The following GTF2IRD1 variants were observed in gnomAD, a reference collection of about 807,000 sequenced individuals.
The protein encoded by GTF2IRD1 is GTF2I repeat domain containing 1, also known as general transcription factor II-I repeat domain-containing protein 1.
A neutral mutation model predicts 113.2 loss-of-function variants in GTF2IRD1; 26 were observed. The observed-to-expected ratio is 0.23, with a 90% CI of 0.17 to 0.32. GTF2IRD1 has a LOEUF of 0.32. Among genes scored for constraint, GTF2IRD1 ranks in the 10% least tolerant of loss-of-function variants. The pLI is 1.00. For synonymous variants in GTF2IRD1, 484 were observed against 529.1 expected, an observed-to-expected ratio of 0.91 and a Z score of 1.17; for missense variants, 864 against 1,280.8, an observed-to-expected ratio of 0.67 and a Z score of 4.97.
At chr7:74,595,450 G>A (rs1381194601) in intron 25 of GTF2IRD1, among the ~76,000 whole-genome samples, 8 of 151,296 alleles carry the variant, frequency 5.3e-5, no homozygotes, top group African/African-American at 1.5e-4. Flanking sequence ...GAGACACCAG[G>A]AGTTGGAGGC....
intron 6 of GTF2IRD1, among the ~76,000 whole-genome samples, chr7:74,520,199 C>T (rs992523836): frequency 4.0e-5 from 6 of 149,898 alleles, no homozygotes; most frequent in Non-Finnish European, 5.9e-5. Flanking sequence ...TAGTCATCCT[C>T]ATGCATTCCA....
chr7:74,564,353 C>G (rs1800164081), intron 22 of GTF2IRD1, among the ~76,000 whole-genome samples: 1 of 152,116 alleles, frequency 6.6e-6, no homozygotes, highest in African/African-American at 2.4e-5. Context: ...GAAGATGAAT[C>G]AGTCATTAAA....
At chr7:74,513,099 A>G in intron 3 of GTF2IRD1, 128 bp downstream of exon 3, 1 of 847,016 alleles carries the variant, frequency 1.2e-6, no homozygotes, top group Non-Finnish European at 1.8e-6. Flanking sequence ...CTAACAAGCT[A>G]GGTTGTCTGA....
intron 1 of GTF2IRD1, among the ~76,000 whole-genome samples, chr7:74,457,962 T>C (rs1304545997): frequency 7.0e-6 from 1 of 142,988 alleles, no homozygotes; most frequent in Admixed American, 7.5e-5. Context: ...CACTGCAACC[T>C]CTGCCTCCTG....
intron 1 of GTF2IRD1, among the ~76,000 whole-genome samples, chr7:74,480,803 G>A (rs2117109208): frequency 6.6e-6 from 1 of 152,326 alleles, no homozygotes; most frequent in African/African-American, 2.4e-5. Flanking sequence ...AGAAACCTGA[G>A]TTTGGGGGCT....
At chr7:74,576,381 T>C (rs1459717043) in intron 22 of GTF2IRD1, among the ~76,000 whole-genome samples, 5 of 150,936 alleles carry the variant, frequency 3.3e-5, no homozygotes, top group Non-Finnish European at 5.9e-5. Flanking sequence ...GCCAACGTGG[T>C]AAAACCCCAT....
chr7:74,522,379 C>T (rs1797347986), intron 7 of GTF2IRD1, among the ~76,000 whole-genome samples: 1 of 152,108 alleles, frequency 6.6e-6, no homozygotes, highest in Non-Finnish European at 1.5e-5. Context: ...GCCTCAGCCT[C>T]ACCTCCAGGA....
intron 1 of GTF2IRD1, among the ~76,000 whole-genome samples, chr7:74,491,923 A>T (rs781972577): frequency 6.6e-6 from 1 of 152,186 alleles, no homozygotes; most frequent in Non-Finnish European, 1.5e-5. Context: ...ACAATGGCTG[A>T]ACTAATTTAC....
chr7:74,544,740 T>G lies in GTF2IRD1; in HGVS notation c.1619-15T>G, dbSNP rs587622787. The G allele has an allele frequency of 9.3e-6, 15 of 1,613,250 alleles. No homozygotes were observed. In the South Asian group the frequency reaches 1.6e-4, roughly 18 times the overall value. On this transcript the variant is annotated splice_polypyrimidine_tract_variant and intron_variant, in intron 14 of 26. Coordinates refer to ENST00000424337, the MANE Select transcript of GTF2IRD1 (RefSeq NM_005685.4). ...TGATGAATGTGGCTTCCCGGCATCC[T>G]CTGTTCTCTTTTAGACAAAGGTCTG...
chr7:74,541,941 T>C (rs1175521790), intron 14 of GTF2IRD1, among the ~76,000 whole-genome samples: 10 of 143,940 alleles, frequency 6.9e-5, no homozygotes, highest in Non-Finnish European at 1.5e-4. Context: ...GATAGATAGA[T>C]AAAAATTAGA....
chr7:74,519,804 A>G, intron 6 of GTF2IRD1, 85 bp downstream of exon 6: 2 of 954,028 alleles, frequency 2.1e-6, no homozygotes, highest in Middle Eastern at 2.3e-4. Context: ...GCAGGTCAGG[A>G]TGCCTGGGCC....
In GTF2IRD1 at chr7:74,557,708, T is replaced by G; in HGVS notation, c.2093T>G (p.Phe698Cys). Reference sequence around the variant, plus strand: ...CTAAGGGAGCAGGTCCAGGACCTTTTCAATAAGAAATACGGTAAGCAGTGC... The same window carrying G: ...CTAAGGGAGCAGGTCCAGGACCTTTGCAATAAGAAATACGGTAAGCAGTGC... ...NTLREQVQDL[F>C]NKKYGEALGI... Residue 698 changes from phenylalanine to cysteine, a missense_variant, in exon 20 of 27, where the codon TTC becomes TGC. This residue lies in a region of GTF2IRD1 where 195 missense variants were observed against 359.1 expected (regional missense o/e 0.54). Transcript: ENST00000424337. 6.2e-7 allele frequency: 1 copy of G among 1,608,186 alleles called. No individual in the cohort carries two copies. Among genetic ancestry groups the G allele is most frequent in the South Asian group, 1.1e-5 (1 of 90,944 alleles).
chr7:74,528,692 G>GGGAGGGAA (rs1797742171), intron 8 of GTF2IRD1, among the ~76,000 whole-genome samples: 1 of 150,682 alleles, frequency 6.6e-6, no homozygotes, highest in Non-Finnish European at 1.5e-5. Context: ...GAGGGAGGGA[G>GGGAGGGAA]GGAAGGAAAG....
At position 74,470,913 on chromosome 7, in the gene GTF2IRD1, C is replaced by G. The variant is rs797025322; in HGVS notation, c.-7+16737C>G. ...CCGCCTCCCTGGTTCAAGCAATTCT[C>G]CTGCTTCAGCCTCCCAAGTAGCTGG... On this transcript the variant is annotated intron_variant, in intron 1 of 26. Coordinates refer to ENST00000424337, the MANE Select transcript of GTF2IRD1 (RefSeq NM_005685.4). Among the ~76,000 whole-genome samples the G allele has an allele frequency of 2.0e-5, 3 of 152,306 alleles. No homozygotes were observed. In the South Asian group the frequency reaches 6.2e-4, roughly 32 times the overall value.
chr7:74,503,536 G>T (rs1321248416), intron 1 of GTF2IRD1, among the ~76,000 whole-genome samples: 1 of 152,136 alleles, frequency 6.6e-6, no homozygotes, highest in African/African-American at 2.4e-5. Context: ...ATCACTTGAG[G>T]TCAGGAGTTC....
chr7:74,456,590 G>A (rs1177213159), intron 1 of GTF2IRD1, among the ~76,000 whole-genome samples: 4 of 152,030 alleles, frequency 2.6e-5, no homozygotes, highest in Admixed American at 6.5e-5. Flanking sequence ...GGCTGAGGCA[G>A]GAGAATCGCT....
At position 74,523,964 on chromosome 7, in the gene GTF2IRD1, G is replaced by A; in HGVS notation, c.1007-107G>A. The A allele has an allele frequency of 1.5e-5, 11 of 739,590 alleles. No homozygotes were observed. The South Asian group carries it at 1.5e-4, about 10-fold the overall frequency. 45.8% of individuals were successfully genotyped at this position (739,590 alleles called of 1,614,324 possible). ...GAGGGTGGAAGGACTGGGGGCTGGG[G>A]CCGGCCTCGGGGGCTCTGGGGGTGA... On this transcript the variant is annotated intron_variant, in intron 7 of 26. Coordinates refer to ENST00000424337, the MANE Select transcript of GTF2IRD1 (RefSeq NM_005685.4).
At chr7:74,518,056 C>T (rs781827021) in intron 4 of GTF2IRD1, 83 bp from the exon 5 acceptor site, 31 of 992,846 alleles carry the variant, frequency 3.1e-5, no homozygotes, top group Non-Finnish European at 4.5e-5. Context: ...CTCAGCACTG[C>T]CCCCACTCTG....
At chr7:74,561,681 G>T (rs139499418) in intron 22 of GTF2IRD1, among the ~76,000 whole-genome samples, 2 of 152,270 alleles carry the variant, frequency 1.3e-5, no homozygotes, top group East Asian at 3.9e-4. Context: ...GGCTCCAGTG[G>T]ACACCCGGCT....
Sources: allele counts gnomAD v4.1 joint callset (sites outside exome capture counted in the v4.1 genomes callset), GRCh38; gene constraint gnomAD v4.1.1; regional missense constraint gnomAD v4.1.1; transcripts MANE v1.5; gene names NCBI Gene and HGNC (gene_info 2026-07-23, HGNC 2026-07-21).